Variants in PRPS1 observed in about 807,000 individuals in gnomAD.
PRPS1 encodes phosphoribosyl pyrophosphate synthetase 1.
A neutral mutation model predicts 16.9 loss-of-function variants in PRPS1; 1 was observed. The observed-to-expected ratio is 0.06, with a 90% confidence interval of 0.02 to 0.28. PRPS1 has a LOEUF of 0.28. Ranked by LOEUF, PRPS1 falls within the 10% of genes least tolerant of loss-of-function variation. The pLI, the probability that PRPS1 is intolerant of heterozygous loss-of-function variation, is 1.00. For missense variants in PRPS1, 47 were observed against 254.0 expected (o/e 0.19, Z 5.54); for synonymous variants, 70 against 90.2 (o/e 0.78, Z 1.27).
intron 6 of PRPS1, 55 bp from the exon 7 acceptor site, chrX:107,649,885 G>C (rs1925790743): frequency 9.9e-6 from 12 of 1,209,768 alleles, no homozygotes; most frequent in African/African-American, 1.7e-5. Context: ...CTGCAAATTG[G>C]CCAGTCATCT....
At chrX:107,639,032 G>A (rs1045681708) in intron 1 of PRPS1, among the ~76,000 whole-genome samples, 1 of 112,474 alleles carries the variant, frequency 8.9e-6, no homozygotes, top group Non-Finnish European at 1.9e-5. Context: ...ACTGCGCCCA[G>A]CCCTGCCATA....
chrX:107,645,914 T>G (rs1925681733), intron 5 of PRPS1, among the ~76,000 whole-genome samples: 1 of 110,533 alleles, frequency 9.0e-6, no homozygotes, highest in Non-Finnish European at 1.9e-5. Flanking sequence ...TGCAGTGTTC[T>G]AAATTGCCTC....
chrX:107,629,202 A>G (rs1415389150), intron 1 of PRPS1, among the ~76,000 whole-genome samples: 1 of 111,619 alleles, frequency 9.0e-6, no homozygotes, highest in Non-Finnish European at 1.9e-5. Flanking sequence ...CCTAGAGTCC[A>G]ATAAGCAGCT....
At position 107,645,321 on chromosome X, in the gene PRPS1, T is replaced by C. The variant is rs1808179281; in HGVS notation, c.675T>C (p.Thr225=). 8.3e-7 allele frequency: 1 copy of C among 1,210,205 alleles called. No homozygotes were observed. The highest frequency in any genetic ancestry group is 1.1e-6 in the Non-Finnish European group (1 of 895,391). ...TCCTTGTGGATGACATGGCTGACACTTGTGGCACAATCTGCCATGCAGCTG... is the reference window on the plus strand; with the variant it reads ...TCCTTGTGGATGACATGGCTGACACCTGTGGCACAATCTGCCATGCAGCTG... ...VAILVDDMAD[T]CGTICHAADK... is the part of the protein sequence containing the mutation. Residue 225 remains threonine (T), a synonymous_variant, in exon 5 of 7, where the codon ACT becomes ACC. Transcript: ENST00000372435.
chrX:107,639,885 A>G (rs939119438), intron 2 of PRPS1, among the ~76,000 whole-genome samples: 147 of 112,446 alleles, frequency 1.3e-3, no homozygotes, highest in African/African-American at 4.5e-3. Context: ...ACATAGATAG[A>G]TAGATAGATA....
At chrX:107,635,929 G>A (rs980882695) in intron 1 of PRPS1, among the ~76,000 whole-genome samples, 1 of 107,831 alleles carries the variant, frequency 9.3e-6, no homozygotes, top group Non-Finnish European at 1.9e-5. Flanking sequence ...GCGTGGTGGC[G>A]TGCGGCTGTA....
intron 1 of PRPS1, among the ~76,000 whole-genome samples, chrX:107,635,346 A>G (rs1201041963): frequency 1.8e-5 from 2 of 112,291 alleles, no homozygotes; most frequent in Admixed American, 1.9e-4. Flanking sequence ...TTGGAAATCA[A>G]TATGCCTGCC....
At position 107,650,071 on chromosome X, in the gene PRPS1, C is replaced by T. The variant is rs768298456; in HGVS notation, c.*39C>T. The T allele has an allele frequency of 2.5e-6, 3 of 1,210,706 alleles. No individual in the cohort carries two copies. Among genetic ancestry groups the T allele is most frequent in the Non-Finnish European group, 3.4e-6 (3 of 895,080 alleles). On this transcript the variant is annotated 3_prime_UTR_variant, in exon 7 of 7. Coordinates refer to ENST00000372435, the MANE Select transcript of PRPS1 (RefSeq NM_002764.4). ...GAGGCTTTTTGAGAATAAAATCCACCCCACCCTTGTTTCCCCTTGGTATTT... is the reference window on the plus strand; with the variant it reads ...GAGGCTTTTTGAGAATAAAATCCACTCCACCCTTGTTTCCCCTTGGTATTT...
intron 4 of PRPS1, 183 bp downstream of exon 4, chrX:107,642,673 C>T (rs768359844): frequency 1.2e-4 from 60 of 503,233 alleles, no homozygotes; most frequent in East Asian, 1.6e-4. Flanking sequence ...AGTTACTACT[C>T]GGAAGACAAG....
chrX:107,649,900 C>T (rs767972803), intron 6 of PRPS1, 40 bp from the exon 7 acceptor site: 1 of 1,210,205 alleles, frequency 8.3e-7, no homozygotes, highest in African/African-American at 1.7e-5. Context: ...TCATCTCTGA[C>T]CATATGATAG....
chrX:107,647,527 C>A, intron 5 of PRPS1, 79 bp from the exon 6 acceptor site: 1 of 995,477 alleles, frequency 1.0e-6, no homozygotes, highest in Non-Finnish European at 1.4e-6. Flanking sequence ...GAAGCCTAAG[C>A]AGGCTAATAT....
chrX:107,647,418 A>G (rs17847390), intron 5 of PRPS1, among the ~76,000 whole-genome samples, 188 bp from the exon 6 acceptor site: 1,459 of 112,223 alleles, frequency 0.013, 31 homozygotes, highest in Admixed American at 0.076. Flanking sequence ...CACCCATTCT[A>G]TGGTATTTTC....
At chrX:107,641,388 C>G (rs188957036) in intron 3 of PRPS1, among the ~76,000 whole-genome samples, 26 of 111,904 alleles carry the variant, frequency 2.3e-4, no homozygotes, top group Admixed American at 1.2e-3. Flanking sequence ...CATTCTTATT[C>G]TCCTTGAATA....
At chrX:107,640,848 T>C (rs1925557669) in intron 2 of PRPS1, 54 bp from the exon 3 acceptor site, 1 of 1,166,978 alleles carries the variant, frequency 8.6e-7, no homozygotes, top group African/African-American at 1.8e-5. Flanking sequence ...AGTAAATGAA[T>C]TGTTTTTCAA....
intron 1 of PRPS1, among the ~76,000 whole-genome samples, chrX:107,637,351 G>A (rs1925464681): frequency 9.0e-6 from 1 of 111,562 alleles, no homozygotes; most frequent in African/African-American, 3.3e-5. Context: ...GTACAGTGAT[G>A]AGCATATGAA....
intron 1 of PRPS1, chrX:107,630,031 GTAATGTCACCGA>G (rs1280849664): frequency 6.2e-5 from 7 of 112,341 alleles, no homozygotes; most frequent in Non-Finnish European, 1.3e-4. Flanking sequence ...AGCTGATAAA[GTAATGTCACCGA>G]TAATGGACAG....
rs757148256 is a variant in PRPS1, at chrX:107,647,660, C to T, written c.759C>T (p.Phe253=). Residue 253 remains phenylalanine, a synonymous_variant, in exon 6 of 7, where the codon TTC becomes TTT. Coordinates refer to ENST00000372435, the MANE Select transcript of PRPS1 (RefSeq NM_002764.4). ...ATGCCATCTTGACTCATGGAATCTT[C>T]TCCGGTCCTGCTATTTCTCGCATCA... The part of the protein sequence containing the change: ...RVYAILTHGI[F]SGPAISRINN... The T allele has an allele frequency of 2.5e-6, 3 of 1,211,130 alleles. No individual in the cohort carries two copies. Among genetic ancestry groups the T allele is most frequent in the Admixed American group, 2.2e-5 (1 of 45,942 alleles).
chrX:107,637,540 A>G (rs1447200936), intron 1 of PRPS1, among the ~76,000 whole-genome samples: 1 of 111,679 alleles, frequency 9.0e-6, no homozygotes, highest in Admixed American at 9.6e-5. Context: ...ACATGTACCT[A>G]TATGAAATGA....
At chrX:107,628,791 C>T (rs1925243423) in intron 1 of PRPS1, 41 bp downstream of exon 1, 1 of 1,210,266 alleles carries the variant, frequency 8.3e-7, no homozygotes, top group South Asian at 1.8e-5. Context: ...CTCACCTGCC[C>T]AGGCGGCAGA....
Sources: gnomAD v4.1 joint callset for allele counts (sites outside exome capture counted in the v4.1 genomes callset) on GRCh38, gnomAD v4.1.1 for gene constraint, MANE v1.5 for transcripts, NCBI Gene and HGNC (gene_info 2026-07-23, HGNC 2026-07-21) for gene names.